SLC9A8: variants seen among roughly 807,000 people sequenced by gnomAD.
SLC9A8 encodes solute carrier family 9 member A8, also known as sodium/hydrogen exchanger 8.
A neutral mutation model predicts 66.6 loss-of-function variants in SLC9A8; 48 were observed. The observed-to-expected ratio is 0.72, with a 90% confidence interval of 0.57 to 0.92. SLC9A8 has a LOEUF of 0.92. SLC9A8 is among the 40% of genes least tolerant of loss of function. The probability of loss-of-function intolerance (pLI) is 0.00; values close to 1 mark genes in which losing one functional copy is unlikely to be tolerated. For missense variants in SLC9A8, 599 were observed against 747.3 expected (o/e 0.80, Z 2.31); for synonymous variants, 274 against 282.6 (o/e 0.97, Z 0.31).
At chr20:49,848,692 A>G (rs975095185) in intron 5 of SLC9A8, among the ~76,000 whole-genome samples, 4 of 152,222 alleles carry the variant, frequency 2.6e-5, no homozygotes, top group Non-Finnish European at 4.4e-5. Flanking sequence ...TGTGAAGTAT[A>G]GATAGAAACA....
rs1380284957 is a variant in SLC9A8, at chr20:49,859,462, AC to A, written c.714-3462del. Among the ~76,000 whole-genome samples, 3 of 147,348 alleles carry A rather than the reference AC, an allele frequency of 2.0e-5. No individual in the cohort carries two copies. In the Admixed American group the frequency reaches 2.1e-4, roughly 10 times the overall value. On this transcript the variant is annotated intron_variant, in intron 8 of 15. Transcript: ENST00000361573. Reference sequence around the variant, plus strand: ...TACAGAAAAGGGGCATGTCAGACTTACCCCCGCCTCCCCCTCCACCTTTTTT... The same window carrying A: ...TACAGAAAAGGGGCATGTCAGACTTACCCCGCCTCCCCCTCCACCTTTTTT...
intron 8 of SLC9A8, among the ~76,000 whole-genome samples, chr20:49,857,661 T>A (rs137892836): frequency 2.0e-3 from 311 of 152,310 alleles, no homozygotes; most frequent in African/African-American, 7.2e-3. Flanking sequence ...GAGGTTGAAG[T>A]GAGCCAAACT....
chr20:49,869,376 G>A (rs541677333), intron 10 of SLC9A8, among the ~76,000 whole-genome samples: 2 of 151,706 alleles, frequency 1.3e-5, no homozygotes, highest in African/African-American at 4.8e-5. Context: ...CCACCACCAC[G>A]CCCGACTAAT....
At chr20:49,860,287 G>A (rs955160130) in intron 8 of SLC9A8, among the ~76,000 whole-genome samples, 11 of 152,190 alleles carry the variant, frequency 7.2e-5, no homozygotes, top group Non-Finnish European at 1.0e-4. Context: ...AAGCTTTCAC[G>A]TGAAGAAAGT....
chr20:49,819,558 A>C (rs1197836658), intron 2 of SLC9A8, among the ~76,000 whole-genome samples: 1 of 152,052 alleles, frequency 6.6e-6, no homozygotes, highest in Non-Finnish European at 1.5e-5. Flanking sequence ...AATACATAAC[A>C]TACATTTACA....
intron 14 of SLC9A8, among the ~76,000 whole-genome samples, chr20:49,884,672 C>T (rs983368722): frequency 1.3e-5 from 2 of 152,032 alleles, no homozygotes; most frequent in South Asian, 4.1e-4. Context: ...CTGTGAGGGC[C>T]GTGAGAGGGG....
chr20:49,829,989 C>T (rs938581556), intron 3 of SLC9A8: 37 of 622,358 alleles, frequency 5.9e-5, no homozygotes, highest in South Asian at 4.1e-4. Context: ...ATCGTGGAGT[C>T]CGGTACCTTG....
chr20:49,884,351 C>T (rs181295853), intron 14 of SLC9A8, among the ~76,000 whole-genome samples: 88 of 150,040 alleles, frequency 5.9e-4, no homozygotes, highest in Non-Finnish European at 1.1e-3. Context: ...CCGGTCATCC[C>T]CCCTGAGAAG....
chr20:49,845,669 C>T (rs1346899272), intron 5 of SLC9A8, among the ~76,000 whole-genome samples: 4 of 152,262 alleles, frequency 2.6e-5, no homozygotes, highest in East Asian at 1.9e-4. Flanking sequence ...TCCAGCTTCT[C>T]CTTCCCAGGC....
At chr20:49,862,000 A>C (rs926760319) in intron 8 of SLC9A8, among the ~76,000 whole-genome samples, 11 of 151,976 alleles carry the variant, frequency 7.2e-5, no homozygotes, top group African/African-American at 2.7e-4. Flanking sequence ...CAGGCCTTCA[A>C]GCTGAAATAC....
chr20:49,864,786 CATG>C lies in SLC9A8; in HGVS notation c.906_908del (p.Met302del). ...GGAAAACGCCTTCCTTGGAGTTTGGCATGATGATCATTTTTGCTTATCTGCCTT... is the reference window on the plus strand; with the variant it reads ...GGAAAACGCCTTCCTTGGAGTTTGGCATGATCATTTTTGCTTATCTGCCTT... On this transcript the variant is annotated inframe_deletion, in exon 10 of 16. Transcript: ENST00000361573. 6.2e-7 allele frequency: 1 copy of C among 1,614,144 alleles called. No individual in the cohort carries two copies. The highest frequency in any genetic ancestry group is 1.1e-5 in the South Asian group (1 of 91,084).
chr20:49,839,588 G>A lies in SLC9A8; in HGVS notation c.337G>A (p.Ala113Thr), dbSNP rs1253342680. Residue 113 changes from alanine to threonine, a missense_variant, in exon 4 of 16, where the codon GCG becomes ACG. Ala to Thr is a moderately conservative substitution (Grantham distance 58). Transcript: ENST00000361573. The part of the protein sequence containing the change: ...VIKIIEFKKL[A>T]NWKEEEMFRP... ...AAAAATTATAGAGTTTAAAAAACTG[G>A]CGAATTGGAAGGTAGGTTTGCCCTT... is the stretch of plus-strand genomic sequence containing the variant. The A allele has an allele frequency of 6.2e-7, 1 of 1,600,996 alleles. No homozygotes were observed. Among genetic ancestry groups the A allele is most frequent in the Non-Finnish European group, 8.5e-7 (1 of 1,169,960 alleles).
At chr20:49,840,530 T>C (rs2087718056) in intron 4 of SLC9A8, among the ~76,000 whole-genome samples, 1 of 152,168 alleles carries the variant, frequency 6.6e-6, no homozygotes, top group South Asian at 2.1e-4. Flanking sequence ...CCTTATAGAC[T>C]AACGTAAAAC....
chr20:49,834,233 T>A (rs2087359771), intron 3 of SLC9A8, among the ~76,000 whole-genome samples: 1 of 143,406 alleles, frequency 7.0e-6, no homozygotes, highest in Non-Finnish European at 1.5e-5. Flanking sequence ...ACACTATGTA[T>A]ATACACACAC....
At chr20:49,815,453 A>G in intron 2 of SLC9A8, 1 of 307,712 alleles carries the variant, frequency 3.2e-6, no homozygotes, top group Non-Finnish European at 5.9e-6. Context: ...ATTTTGGCCT[A>G]GAAAGAATCT....
intron 10 of SLC9A8, among the ~76,000 whole-genome samples, chr20:49,870,226 C>T (rs1000135013): frequency 6.6e-6 from 1 of 152,196 alleles, no homozygotes; most frequent in East Asian, 1.9e-4. Context: ...AGATCAGTTT[C>T]CTTTTCTTGC....
chr20:49,822,650 G>A (rs2086782503), intron 2 of SLC9A8, among the ~76,000 whole-genome samples: 2 of 152,042 alleles, frequency 1.3e-5, no homozygotes, highest in Admixed American at 6.5e-5. Flanking sequence ...AGTTGGGTGT[G>A]GTGTCATGTG....
intron 3 of SLC9A8, among the ~76,000 whole-genome samples, chr20:49,838,085 C>T (rs1043095210): frequency 2.0e-5 from 3 of 151,956 alleles, no homozygotes; most frequent in Admixed American, 2.0e-4. Flanking sequence ...CACTCACACC[C>T]TGGTACTGTT....
chr20:49,837,728 G>A (rs561255031), intron 3 of SLC9A8, among the ~76,000 whole-genome samples: 14 of 151,970 alleles, frequency 9.2e-5, no homozygotes, highest in African/African-American at 2.9e-4. Context: ...CGCCATGCCC[G>A]GCTAATTTTT....
Sources: gnomAD v4.1 joint callset for allele counts (sites outside exome capture counted in the v4.1 genomes callset) on GRCh38, gnomAD v4.1.1 for gene constraint, MANE v1.5 for transcripts, NCBI Gene and HGNC (gene_info 2026-07-23, HGNC 2026-07-21) for gene names.